The following RBFOX1 variants were observed in gnomAD, a reference collection of about 807,000 sequenced individuals.
The protein encoded by RBFOX1 is RNA binding fox-1 homolog 1, also known as RNA binding protein fox-1 homolog 1.
RBFOX1 carries 8 observed loss-of-function variants against 57.7 expected under a neutral mutation model. That is an observed-to-expected ratio of 0.14 (90% CI 0.08 to 0.25). RBFOX1 has a LOEUF of 0.25. Among genes scored for constraint, RBFOX1 ranks in the 10% least tolerant of loss-of-function variants. The pLI, the probability that RBFOX1 is intolerant of heterozygous loss-of-function variation, is 1.00. For missense variants in RBFOX1, 611 were observed against 548.5 expected (o/e 1.11, Z -1.14); for synonymous variants, 326 against 222.4 (o/e 1.47, Z -4.15).
chr16:7,320,608 C>A (rs560169430), intron 4 of RBFOX1, among the ~76,000 whole-genome samples: 1 of 152,142 alleles, frequency 6.6e-6, no homozygotes, highest in South Asian at 2.1e-4. Flanking sequence ...ATCAAACTTG[C>A]TTAAGCAAAA....
At chr16:6,528,240 A>T (rs1270274470) in intron 2 of RBFOX1, among the ~76,000 whole-genome samples, 1 of 152,180 alleles carries the variant, frequency 6.6e-6, no homozygotes, top group Non-Finnish European at 1.5e-5. Context: ...TGCCAATCCC[A>T]TGGAAATACC....
In RBFOX1 at chr16:5,453,607, A is replaced by G. The variant is rs868130325; in HGVS notation, c.220-13609A>G. ...ATAGGAGTCAATATATCCTCTTAAT[A>G]CACCATAGGCAGAGCTCTTAGAATC... On this transcript the variant is annotated intron_variant, in intron 1 of 2. Coordinates refer to the RBFOX1 transcript ENST00000585867. Among the ~76,000 whole-genome samples, 5 of 152,262 alleles carry G rather than the reference A, an allele frequency of 3.3e-5. No individual in the cohort carries two copies. The Middle Eastern group carries it at 0.014, about 414-fold the overall frequency.
intron 1 of RBFOX1, among the ~76,000 whole-genome samples, chr16:6,045,706 G>T (rs1010459264): frequency 6.6e-6 from 1 of 152,172 alleles, no homozygotes; most frequent in South Asian, 2.1e-4. Flanking sequence ...GAGCCATACC[G>T]ATGGTGATAT....
intron 3 of RBFOX1, among the ~76,000 whole-genome samples, chr16:6,908,041 A>T (rs1212831324): frequency 6.6e-6 from 1 of 151,694 alleles, no homozygotes; most frequent in Non-Finnish European, 1.5e-5. Context: ...GGCCTATCCA[A>T]ATCATCTTTA....
chr16:5,554,601 A>G (rs3927119), intron 2 of RBFOX1, among the ~76,000 whole-genome samples: 45,605 of 152,004 alleles, frequency 0.3, 7,566 homozygotes, highest in Non-Finnish European at 0.37. Flanking sequence ...TTCAATGTCC[A>G]TCTTGGGGCC....
chr16:5,762,828 A>G (rs535774379), intron 3 of RBFOX1, among the ~76,000 whole-genome samples: 1 of 152,324 alleles, frequency 6.6e-6, no homozygotes, highest in East Asian at 1.9e-4. Context: ...CCTCAAGTGA[A>G]AAATTATGTT....
chr16:6,776,470 C>T (rs2154219266), intron 3 of RBFOX1, among the ~76,000 whole-genome samples: 1 of 152,100 alleles, frequency 6.6e-6, no homozygotes, highest in East Asian at 1.9e-4. Flanking sequence ...GGAGAAGCAA[C>T]ACAGTGCAAT....
At chr16:5,460,716 C>G (rs1320661735) in intron 1 of RBFOX1, among the ~76,000 whole-genome samples, 1 of 152,242 alleles carries the variant, frequency 6.6e-6, no homozygotes, top group Non-Finnish European at 1.5e-5. Flanking sequence ...GTTTCCTCCT[C>G]TTTTCATGCC....
intron 3 of RBFOX1, among the ~76,000 whole-genome samples, chr16:6,808,142 G>T (rs937370574): frequency 7.2e-6 from 1 of 138,504 alleles, no homozygotes; most frequent in Non-Finnish European, 1.5e-5. Context: ...TATATAATAT[G>T]CATATTATAC....
At chr16:6,990,004 A>C (rs1002544481) in intron 3 of RBFOX1, among the ~76,000 whole-genome samples, 2 of 152,188 alleles carry the variant, frequency 1.3e-5, no homozygotes, top group Non-Finnish European at 2.9e-5. Flanking sequence ...TCTGTTTCAC[A>C]CAAAAAACTG....
chr16:6,779,889 TTA>T (rs1423317993), intron 3 of RBFOX1, among the ~76,000 whole-genome samples: 3 of 15,782 alleles, frequency 1.9e-4, no homozygotes, highest in Admixed American at 1.2e-3. Flanking sequence ...TTATATATAT[TTA>T]TATATATTTA....
chr16:7,150,757 C>A (rs1427475540), intron 4 of RBFOX1, among the ~76,000 whole-genome samples: 1 of 152,146 alleles, frequency 6.6e-6, no homozygotes, highest in Non-Finnish European at 1.5e-5. Flanking sequence ...TAGAATAGAA[C>A]CAGCAGTGTT....
chr16:7,110,063 T>A (rs767336870), intron 4 of RBFOX1, among the ~76,000 whole-genome samples: 1 of 151,636 alleles, frequency 6.6e-6, no homozygotes, highest in Non-Finnish European at 1.5e-5. Context: ...TACTAATCAC[T>A]AAGAATCTCT....
chr16:7,231,779 G>C (rs1487653648), intron 4 of RBFOX1, among the ~76,000 whole-genome samples: 1 of 152,186 alleles, frequency 6.6e-6, no homozygotes, highest in Non-Finnish European at 1.5e-5. Context: ...AAACACTGTG[G>C]TAAGTAAAAG....
intron 2 of RBFOX1, among the ~76,000 whole-genome samples, chr16:6,492,961 G>T (rs1372059245): frequency 6.6e-6 from 1 of 152,252 alleles, no homozygotes; most frequent in Admixed American, 6.5e-5. Context: ...TAGCTGTGCA[G>T]TATGACTAAG....
At position 6,033,223 on chromosome 16, in the gene RBFOX1, C is replaced by T. The variant is rs114877892; in HGVS notation, c.-127+13231C>T. On this transcript the variant is annotated intron_variant, in intron 1 of 15. Coordinates refer to ENST00000550418, the MANE Select transcript of RBFOX1 (RefSeq NM_018723.4). ...ATAATTAAAAACTATTCATTTTAAG[C>T]AAGGGATAATTTGCCAGCATGTAGT... 5.2e-3 allele frequency among the ~76,000 whole-genome samples: 785 copies of T among 152,280 alleles called. 7 individuals are homozygous for T. The highest frequency in any genetic ancestry group is 0.018 in the African/African-American group (748 of 41,546).
intron 1 of RBFOX1, among the ~76,000 whole-genome samples, chr16:5,305,166 C>G (rs2063902979): frequency 6.6e-6 from 1 of 152,092 alleles, no homozygotes. Context: ...GTCAGATCAG[C>G]CTGGGACCAA....
In RBFOX1 at chr16:6,739,737, C is replaced by T. The variant is rs190791822; in HGVS notation, c.-16+85087C>T. ...ACTAAAAATACAAAAATTAGCTGGG[C>T]GTGGTGGCAGGTGCCTGTAGTCTCG... On this transcript the variant is annotated intron_variant, in intron 3 of 15. Coordinates refer to ENST00000550418, the MANE Select transcript of RBFOX1 (RefSeq NM_018723.4). Among the ~76,000 whole-genome samples the T allele has an allele frequency of 1.6e-4, 24 of 152,052 alleles. No homozygotes were observed. The East Asian group carries it at 4.1e-3, about 26-fold the overall frequency.
intron 3 of RBFOX1, among the ~76,000 whole-genome samples, chr16:6,940,557 G>A (rs2078198922): frequency 1.3e-5 from 2 of 152,070 alleles, no homozygotes; most frequent in Non-Finnish European, 2.9e-5. Flanking sequence ...TCATCCTCTT[G>A]GAGAGAAGCA....
Sources: allele counts gnomAD v4.1 joint callset (sites outside exome capture counted in the v4.1 genomes callset), GRCh38; gene constraint gnomAD v4.1.1; transcripts MANE v1.5; gene names NCBI Gene and HGNC (gene_info 2026-07-23, HGNC 2026-07-21).